The following VEPH1 variants were observed in gnomAD, a reference collection of about 807,000 sequenced individuals.
VEPH1 encodes the protein ventricular zone expressed PH domain containing 1.
VEPH1 carries 80 observed loss-of-function variants against 85.2 expected under a neutral mutation model. The observed-to-expected ratio is 0.94, with a 90% CI of 0.78 to 1.13. VEPH1 has a LOEUF of 1.13. Ranked by LOEUF, VEPH1 falls within the 50% of genes most tolerant of loss-of-function variation. The pLI is 0.00. For synonymous variants in VEPH1, 297 were observed against 348.0 expected (o/e 0.85, Z 1.63); for missense variants, 955 against 980.5 (o/e 0.97, Z 0.35).
intron 3 of VEPH1, among the ~76,000 whole-genome samples, chr3:157,468,898 C>T (rs1195618263): frequency 5.3e-5 from 8 of 151,982 alleles, no homozygotes; most frequent in Non-Finnish European, 8.8e-5. Flanking sequence ...CACCCTGGGA[C>T]GAGAACATTT....
At chr3:157,354,294 G>A (rs1354870763) in intron 9 of VEPH1, among the ~76,000 whole-genome samples, 1 of 151,892 alleles carries the variant, frequency 6.6e-6, no homozygotes, top group Non-Finnish European at 1.5e-5. Flanking sequence ...CAAAATTCAT[G>A]TGTCTAAAAC....
intron 4 of VEPH1, among the ~76,000 whole-genome samples, chr3:157,444,363 G>A (rs1369058825): frequency 6.6e-6 from 1 of 152,180 alleles, no homozygotes; most frequent in East Asian, 1.9e-4. Flanking sequence ...GGAGGTGATT[G>A]GACTCAGTGC....
At chr3:157,333,967 C>T (rs1722729359) in intron 9 of VEPH1, among the ~76,000 whole-genome samples, 1 of 152,160 alleles carries the variant, frequency 6.6e-6, no homozygotes, top group Non-Finnish European at 1.5e-5. Context: ...TGGCCACCAT[C>T]AGGCATCAGA....
At chr3:157,297,607 C>T (rs1718292655) in intron 11 of VEPH1, among the ~76,000 whole-genome samples, 2 of 151,746 alleles carry the variant, frequency 1.3e-5, no homozygotes, top group African/African-American at 4.8e-5. Flanking sequence ...AGATAAGAAG[C>T]AGAGAGAAAG....
chr3:157,459,889 A>G (rs1416520305), intron 4 of VEPH1: 1 of 1,537,072 alleles, frequency 6.5e-7, no homozygotes, highest in African/African-American at 1.4e-5. Context: ...TTGGTAGTTG[A>G]ACAGGTGACC....
intron 6 of VEPH1, among the ~76,000 whole-genome samples, chr3:157,404,031 C>G (rs11926562): frequency 6.6e-6 from 1 of 152,116 alleles, no homozygotes; most frequent in South Asian, 2.1e-4. Flanking sequence ...GGATGGAGAC[C>G]GACAGATCCT....
At chr3:157,455,680 G>A (rs1413415660) in intron 4 of VEPH1, among the ~76,000 whole-genome samples, 1 of 152,072 alleles carries the variant, frequency 6.6e-6, no homozygotes, top group Non-Finnish European at 1.5e-5. Flanking sequence ...TGCGGTATTT[G>A]GTTTCCTGTT....
intron 9 of VEPH1, among the ~76,000 whole-genome samples, chr3:157,352,047 T>A (rs1724924166): frequency 6.6e-6 from 1 of 152,240 alleles, no homozygotes; most frequent in South Asian, 2.1e-4. Flanking sequence ...AAACACCTAT[T>A]TTGATGAACT....
intron 12 of VEPH1, among the ~76,000 whole-genome samples, chr3:157,282,778 C>T (rs1716299851): frequency 6.6e-6 from 1 of 152,198 alleles, no homozygotes; most frequent in African/African-American, 2.4e-5. Context: ...ACAAGGGCAA[C>T]TGATAAAGAA....
intron 9 of VEPH1, among the ~76,000 whole-genome samples, chr3:157,345,369 G>A (rs545205920): frequency 2.0e-4 from 31 of 152,286 alleles, no homozygotes; most frequent in Admixed American, 8.5e-4. Context: ...AGTGGGCGAA[G>A]GATATGAACA....
chr3:157,442,812 T>G, intron 4 of VEPH1: 1 of 1,614,190 alleles, frequency 6.2e-7, no homozygotes, highest in Non-Finnish European at 8.5e-7. Context: ...TGATGAAACA[T>G]TAGCCTTCTC....
chr3:157,459,553 C>T, intron 4 of VEPH1: 1 of 1,056,760 alleles, frequency 9.5e-7, no homozygotes, highest in Non-Finnish European at 1.2e-6. Flanking sequence ...TGTTCTCTGA[C>T]TTCAAGTTCA....
intron 9 of VEPH1, among the ~76,000 whole-genome samples, chr3:157,330,752 A>G (rs569473473): frequency 4.6e-5 from 7 of 152,270 alleles, no homozygotes; most frequent in Middle Eastern, 3.4e-3. Flanking sequence ...AAGAGCAGCA[A>G]TCTCCTTCCC....
intron 2 of VEPH1, among the ~76,000 whole-genome samples, chr3:157,486,330 T>A (rs897026845): frequency 2.6e-5 from 4 of 152,028 alleles, no homozygotes; most frequent in Admixed American, 6.6e-5. Flanking sequence ...ACCCCGTCTA[T>A]ACTGAAAATA....
intron 7 of VEPH1, 139 bp downstream of exon 7, chr3:157,381,017 G>A (rs1372589688): frequency 4.4e-5 from 35 of 803,750 alleles, no homozygotes; most frequent in Non-Finnish European, 6.1e-5. Context: ...TCTGGCAAGT[G>A]CCATAATTTA....
chr3:157,462,095 A>T (rs1047070762), intron 3 of VEPH1, among the ~76,000 whole-genome samples: 9 of 148,120 alleles, frequency 6.1e-5, no homozygotes, highest in African/African-American at 1.5e-4. Flanking sequence ...TATATATATA[A>T]TATATATACA....
At chr3:157,398,407 G>A (rs752065616) in intron 6 of VEPH1, among the ~76,000 whole-genome samples, 12 of 152,170 alleles carry the variant, frequency 7.9e-5, no homozygotes, top group Admixed American at 1.3e-4. Flanking sequence ...AGGCCGAGGC[G>A]TGTGGATCAC....
Position 157,377,930 on chromosome 3 carries a change from C to T in VEPH1, c.1127+3226G>A, listed in dbSNP as rs192345936. Among the ~76,000 whole-genome samples, 137 of 152,144 alleles carry T rather than the reference C, an allele frequency of 9.0e-4. 1 individual carries two copies. Among genetic ancestry groups the T allele is most frequent in the African/African-American group, 3.1e-3 (128 of 41,504 alleles). On this transcript the variant is annotated intron_variant, in intron 7 of 13. Transcript: ENST00000362010. ...TAATATTTTTTCTCTTTATATAAAG[C>T]TTTTCACATATATAATCTCAGAAAT...
chr3:157,459,247 G>A (rs1303834473), intron 4 of VEPH1, among the ~76,000 whole-genome samples: 1 of 152,166 alleles, frequency 6.6e-6, no homozygotes, highest in East Asian at 1.9e-4. Context: ...GGGTCTGCTG[G>A]GCTCGCATGG....
Sources: gnomAD v4.1 joint callset for allele counts (sites outside exome capture counted in the v4.1 genomes callset) on GRCh38, gnomAD v4.1.1 for gene constraint, MANE v1.5 for transcripts, NCBI Gene and HGNC (gene_info 2026-07-23, HGNC 2026-07-21) for gene names.